Variants in NBEA observed in about 807,000 individuals in gnomAD.
NBEA encodes lysosomal-trafficking regulator 2.
In NBEA, 44 loss-of-function variants were observed where a neutral mutation model predicts 343.4. The observed-to-expected ratio is 0.13, with a 90% CI of 0.10 to 0.16. The LOEUF (loss-of-function observed/expected upper bound fraction) is 0.16. Among genes scored for constraint, NBEA ranks in the 10% least tolerant of loss-of-function variants. The probability of loss-of-function intolerance (pLI) is 1.00; values close to 1 mark genes in which losing one functional copy is unlikely to be tolerated. For synonymous variants in NBEA, 1,175 were observed against 1,238.7 expected, an observed-to-expected ratio of 0.95 and a Z score of 1.08; for missense variants, 2,555 against 3,631.3, an observed-to-expected ratio of 0.70 and a Z score of 7.62.
intron 41 of NBEA, among the ~76,000 whole-genome samples, chr13:35,537,585 G>T (rs930355645): frequency 2.0e-5 from 3 of 152,108 alleles, no homozygotes; most frequent in African/African-American, 4.8e-5. Context: ...TTGTCTCATA[G>T]GTGCTATGAG....
At chr13:35,206,214 A>T (rs2073386608) in intron 31 of NBEA, among the ~76,000 whole-genome samples, 1 of 152,222 alleles carries the variant, frequency 6.6e-6, no homozygotes, top group South Asian at 2.1e-4. Flanking sequence ...TATTTCTCAT[A>T]GCTTCCACAT....
At chr13:35,135,821 G>A (rs1469569954) in intron 17 of NBEA, among the ~76,000 whole-genome samples, 1 of 151,840 alleles carries the variant, frequency 6.6e-6, no homozygotes, top group Non-Finnish European at 1.5e-5. Flanking sequence ...ATTAAAATAT[G>A]AATTATTCAA....
chr13:35,638,120 C>T (rs1225381607), intron 49 of NBEA, among the ~76,000 whole-genome samples: 1 of 151,822 alleles, frequency 6.6e-6, no homozygotes. Flanking sequence ...GAGGGAGTGG[C>T]GAGTTTTTGT....
In NBEA at chr13:35,218,163, C is replaced by T. The variant is rs1405893832; in HGVS notation, c.5648+6984C>T. Reference sequence around the variant, plus strand: ...CTTAGGGTTCATAGTCCTGTACTCCCTGTATTGCCTGAAAATAGTTGTTCC... The same window carrying T: ...CTTAGGGTTCATAGTCCTGTACTCCTTGTATTGCCTGAAAATAGTTGTTCC... On this transcript the variant is annotated intron_variant, in intron 33 of 58. Coordinates refer to ENST00000379939, the MANE Select transcript of NBEA (RefSeq NM_001385012.1). Among the ~76,000 whole-genome samples, 10 of 152,178 alleles carry T rather than the reference C, an allele frequency of 6.6e-5. No individual in the cohort carries two copies. In the East Asian group the frequency reaches 1.7e-3, roughly 26 times the overall value.
At chr13:34,996,044 G>A (rs117085261) in intron 1 of NBEA, among the ~76,000 whole-genome samples, 346 of 152,248 alleles carry the variant, frequency 2.3e-3, no homozygotes, top group Admixed American at 6.0e-3. Context: ...GAAATTAAAT[G>A]ACTTACCCAA....
At chr13:35,236,351 TA>T (rs1043753311) in intron 34 of NBEA, among the ~76,000 whole-genome samples, 56 of 152,348 alleles carry the variant, frequency 3.7e-4, no homozygotes, top group African/African-American at 1.3e-3. Flanking sequence ...GTAAAGAAGT[TA>T]CATACTATCA....
At chr13:35,361,326 C>A (rs1019553973) in intron 38 of NBEA, among the ~76,000 whole-genome samples, 3 of 152,018 alleles carry the variant, frequency 2.0e-5, no homozygotes, top group South Asian at 2.1e-4. Flanking sequence ...TTCCAGACGA[C>A]CTCTTTCAGA....
At chr13:35,006,829 T>C (rs2061334274) in intron 1 of NBEA, among the ~76,000 whole-genome samples, 1 of 152,188 alleles carries the variant, frequency 6.6e-6, no homozygotes, top group Non-Finnish European at 1.5e-5. Context: ...CTTGGCTTAC[T>C]GCAACCTCCA....
chr13:35,292,988 T>G (rs946594217), intron 35 of NBEA, among the ~76,000 whole-genome samples: 3 of 151,956 alleles, frequency 2.0e-5, no homozygotes, highest in East Asian at 3.9e-4. Flanking sequence ...CTACAACACA[T>G]TAGATGGCTT....
At chr13:35,581,690 A>C (rs1456939695) in intron 45 of NBEA, among the ~76,000 whole-genome samples, 1 of 134,308 alleles carries the variant, frequency 7.4e-6, no homozygotes, top group Non-Finnish European at 1.5e-5. Flanking sequence ...CAATGAGAAC[A>C]CATGGACACA....
chr13:35,193,427 A>G (rs2072345715), intron 30 of NBEA, among the ~76,000 whole-genome samples: 3 of 151,886 alleles, frequency 2.0e-5, no homozygotes, highest in African/African-American at 7.2e-5. Context: ...AATTTAGTTA[A>G]TTATTTTCCT....
At chr13:35,552,688 A>G (rs1009624936) in intron 43 of NBEA, among the ~76,000 whole-genome samples, 1 of 152,150 alleles carries the variant, frequency 6.6e-6, no homozygotes. Flanking sequence ...GTCTTCTGGC[A>G]TATTTCTCAA....
At chr13:35,141,454 A>G (rs554416543) in intron 17 of NBEA, among the ~76,000 whole-genome samples, 2 of 152,120 alleles carry the variant, frequency 1.3e-5, no homozygotes, top group Admixed American at 1.3e-4. Flanking sequence ...TTTAGTAGAG[A>G]TGGGGTTTCA....
chr13:35,665,458 T>C (rs1056475834), intron 56 of NBEA, among the ~76,000 whole-genome samples: 4 of 152,022 alleles, frequency 2.6e-5, no homozygotes, highest in Non-Finnish European at 4.4e-5. Flanking sequence ...GTAAAGGACA[T>C]GTAAAAGACA....
intron 47 of NBEA, among the ~76,000 whole-genome samples, chr13:35,603,702 C>T (rs1212431717): frequency 6.6e-6 from 1 of 152,128 alleles, no homozygotes; most frequent in Non-Finnish European, 1.5e-5. Context: ...GGCATGAGCA[C>T]AAATAACTGA....
chr13:35,137,694 T>A (rs932807043), intron 17 of NBEA, among the ~76,000 whole-genome samples: 2 of 152,158 alleles, frequency 1.3e-5, no homozygotes, highest in South Asian at 2.1e-4. Flanking sequence ...TATTGTTATT[T>A]ATTGTGTTAC....
At chr13:35,141,138 G>A (rs988613514) in intron 17 of NBEA, among the ~76,000 whole-genome samples, 2 of 152,194 alleles carry the variant, frequency 1.3e-5, no homozygotes, top group African/African-American at 4.8e-5. Context: ...AAGGAAGAAA[G>A]GAACCAGAGT....
intron 35 of NBEA, among the ~76,000 whole-genome samples, chr13:35,301,278 C>T (rs1480212861): frequency 4.0e-5 from 6 of 151,614 alleles, no homozygotes; most frequent in Non-Finnish European, 8.8e-5. Flanking sequence ...CCTGTCAACC[C>T]GTCATCTAGG....
At position 35,667,465 on chromosome 13, in the gene NBEA, C is replaced by G; in HGVS notation, c.8556C>G (p.Val2852=). 6.2e-7 allele frequency: 1 copy of G among 1,613,822 alleles called. No individual in the cohort carries two copies. The highest frequency in any genetic ancestry group is 8.5e-7 in the Non-Finnish European group (1 of 1,179,732). ...ENCLFPRLIS[V]SSEGHCIIYY... ...GCTTATTCCCACGCTTGATATCTGT[C>G]TCCAGCGAAGGCCACTGTATCATAT... is the stretch of plus-strand genomic sequence containing the variant. The change falls in exon 57 of 59, where the codon GTC becomes GTG. Residue 2852 remains valine, a synonymous_variant. Coordinates refer to ENST00000379939, the MANE Select transcript of NBEA (RefSeq NM_001385012.1).
Sources: allele counts gnomAD v4.1 joint callset (sites outside exome capture counted in the v4.1 genomes callset), GRCh38; gene constraint gnomAD v4.1.1; transcripts MANE v1.5; gene names NCBI Gene and HGNC (gene_info 2026-07-23, HGNC 2026-07-21).